The following C1QTNF3 variants were observed in gnomAD, a reference collection of about 807,000 sequenced individuals.
The protein encoded by C1QTNF3 is complement C1q tumor necrosis factor-related protein 3.
In C1QTNF3, 26 loss-of-function variants were observed where a neutral mutation model predicts 32.6. That is an observed-to-expected ratio of 0.80 (90% CI 0.58 to 1.11). The LOEUF (loss-of-function observed/expected upper bound fraction) is 1.11. Among genes scored for constraint, C1QTNF3 ranks in the 50% least tolerant of loss-of-function variants. C1QTNF3 has a pLI of 0.00. For missense variants in C1QTNF3, 362 were observed against 398.2 expected, an observed-to-expected ratio of 0.91 and a Z score of 0.77; for synonymous variants, 155 against 146.0, an observed-to-expected ratio of 1.06 and a Z score of -0.44.
At chr5:34,024,222 C>A in intron 4 of C1QTNF3, 1 of 480,466 alleles carries the variant, frequency 2.1e-6, no homozygotes, top group South Asian at 2.4e-5. Flanking sequence ...CCGAATAAGA[C>A]TTAAAAGTCT....
At position 34,020,511 on chromosome 5, in the gene C1QTNF3, A is replaced by G. The variant is rs1754298443; in HGVS notation, c.*72T>C. The G allele has an allele frequency of 9.1e-6, 14 of 1,530,850 alleles. No homozygotes were observed. Among genetic ancestry groups the G allele is most frequent in the Non-Finnish European group, 1.2e-5 (13 of 1,125,642 alleles). The allele number at this position is 1,530,850 out of a possible 1,614,324, so 94.8% of individuals were successfully genotyped here. ...CAGCAATGTAAAACCCTCAACTTTA[A>G]TGTTCCTCAGATCGTAACAAATCAG... On this transcript the variant is annotated 3_prime_UTR_variant, in exon 6 of 6. Transcript: ENST00000382065.
the C1QTNF3 span, among the ~76,000 whole-genome samples, chr5:34,113,434 G>A: frequency 1.3e-5 from 2 of 151,450 alleles, no homozygotes; most frequent in African/African-American, 4.8e-5. Flanking sequence ...TGAAGATCAA[G>A]TCAGAATATG....
intron 2 of C1QTNF3, 133 bp downstream of exon 2, chr5:34,035,514 A>G (rs1579607597): frequency 8.5e-6 from 6 of 708,906 alleles, no homozygotes; most frequent in Non-Finnish European, 1.5e-5. Flanking sequence ...TGAACCTGGT[A>G]TTCCAGGGTG....
At chr5:34,243,116 T>G in the C1QTNF3 span, among the ~76,000 whole-genome samples, 18 of 151,928 alleles carry the variant, frequency 1.2e-4, no homozygotes, top group African/African-American at 4.4e-4. Flanking sequence ...TTCCTGCACA[T>G]GTACCCCAGA....
At chr5:34,136,533 C>A in the C1QTNF3 span, among the ~76,000 whole-genome samples, 1 of 152,206 alleles carries the variant, frequency 6.6e-6, no homozygotes, top group African/African-American at 2.4e-5. Context: ...GAAATAGGAA[C>A]AATTTTACAC....
chr5:34,147,958 C>A, the C1QTNF3 span, among the ~76,000 whole-genome samples: 1 of 152,106 alleles, frequency 6.6e-6, no homozygotes, highest in Non-Finnish European at 1.5e-5. Flanking sequence ...GTTCATCTCA[C>A]TAGGGAGTGC....
chr5:34,091,036 A>G, the C1QTNF3 span, among the ~76,000 whole-genome samples: 895 of 152,320 alleles, frequency 5.9e-3, 9 homozygotes, highest in African/African-American at 0.021. Flanking sequence ...TTGTAGGGGA[A>G]GGGCAGAAAA....
At chr5:34,240,684 C>T in the C1QTNF3 span, among the ~76,000 whole-genome samples, 3 of 152,060 alleles carry the variant, frequency 2.0e-5, no homozygotes, top group Admixed American at 2.0e-4. Context: ...AAAATTCTAC[C>T]GGAAGTATAA....
chr5:34,187,868 G>A, the C1QTNF3 span, among the ~76,000 whole-genome samples: 15 of 151,340 alleles, frequency 9.9e-5, no homozygotes, highest in Non-Finnish European at 8.9e-5. Flanking sequence ...AAGTAATGAG[G>A]AGCCAAATGT....
At chr5:34,201,725 C>A in the C1QTNF3 span, among the ~76,000 whole-genome samples, 1 of 152,140 alleles carries the variant, frequency 6.6e-6, no homozygotes, top group African/African-American at 2.4e-5. Context: ...TACAAAACAT[C>A]ATTTAAGTGC....
chr5:34,143,824 A>T, the C1QTNF3 span, among the ~76,000 whole-genome samples: 1 of 152,188 alleles, frequency 6.6e-6, no homozygotes, highest in African/African-American at 2.4e-5. Flanking sequence ...CTACTCCAAA[A>T]ACACACTTAA....
chr5:34,107,703 C>T, the C1QTNF3 span, among the ~76,000 whole-genome samples: 5 of 151,942 alleles, frequency 3.3e-5, no homozygotes, highest in African/African-American at 7.2e-5. Flanking sequence ...ATAAATAATG[C>T]CAAAGAAACA....
chr5:34,072,367 GAAAGAGAAAGAAAGAAAGAA>G, the C1QTNF3 span, among the ~76,000 whole-genome samples: 15 of 109,682 alleles, frequency 1.4e-4, no homozygotes, highest in Non-Finnish European at 2.1e-4. Context: ...AATTAAAAAA[GAAAGAGAAAGAAAGAAAGAA>G]AGAAAGAAAG....
the C1QTNF3 span, among the ~76,000 whole-genome samples, chr5:34,103,104 T>C: frequency 1.3e-5 from 2 of 152,280 alleles, no homozygotes; most frequent in Non-Finnish European, 2.9e-5. Context: ...TAAATGCTGG[T>C]TGAATTGAAT....
At chr5:34,061,607 C>T in the C1QTNF3 span, among the ~76,000 whole-genome samples, 1 of 152,202 alleles carries the variant, frequency 6.6e-6, no homozygotes, top group Non-Finnish European at 1.5e-5. Context: ...TCAGGCTCAA[C>T]ACCATATGGA....
the C1QTNF3 span, among the ~76,000 whole-genome samples, chr5:34,208,070 G>A: frequency 7.6e-3 from 1,150 of 152,268 alleles, 17 homozygotes; most frequent in African/African-American, 0.026. Flanking sequence ...GATTACAGGC[G>A]TGAGCCACCT....
At chr5:34,045,424 C>A (rs1254303114), upstream of C1QTNF3, among the ~76,000 whole-genome samples, 1 of 152,192 alleles carries the variant, frequency 6.6e-6, no homozygotes, top group Non-Finnish European at 1.5e-5. Context: ...TTCTAAGGTG[C>A]ATCCAGGGTT....
the C1QTNF3 span, among the ~76,000 whole-genome samples, chr5:34,050,859 T>C: frequency 4.6e-3 from 693 of 152,304 alleles, 5 homozygotes; most frequent in African/African-American, 0.016. Context: ...TCAGCTTCCT[T>C]GGACTTTGGG....
chr5:34,057,553 C>T, the C1QTNF3 span, among the ~76,000 whole-genome samples: 1 of 152,138 alleles, frequency 6.6e-6, no homozygotes, highest in Middle Eastern at 3.2e-3. Flanking sequence ...ATTATTTTTC[C>T]AGTTTGTTCT....
Sources: gnomAD v4.1 joint callset for allele counts (sites outside exome capture counted in the v4.1 genomes callset) on GRCh38, gnomAD v4.1.1 for gene constraint, MANE v1.5 for transcripts, NCBI Gene and HGNC (gene_info 2026-07-23, HGNC 2026-07-21) for gene names.